Variants in MOB3B observed in about 807,000 individuals in gnomAD.
The protein encoded by MOB3B is MOB kinase activator 3B.
Under a neutral mutation model 18.7 loss-of-function variants are expected in MOB3B, and 7 were observed. That is an observed-to-expected ratio of 0.37 (90% confidence interval 0.21 to 0.70). The LOEUF (loss-of-function observed/expected upper bound fraction) is 0.70. Among genes scored for constraint, MOB3B ranks in the 30% least tolerant of loss-of-function variants. The pLI is 0.52. For missense variants in MOB3B, 253 were observed against 281.3 expected, an observed-to-expected ratio of 0.90 and a Z score of 0.72; for synonymous variants, 111 against 99.9, an observed-to-expected ratio of 1.11 and a Z score of -0.66.
intron 1 of MOB3B, among the ~76,000 whole-genome samples, chr9:27,459,438 C>T (rs945669443): frequency 3.3e-5 from 5 of 152,056 alleles, no homozygotes; most frequent in African/African-American, 7.2e-5. Context: ...CAGGCTTCAC[C>T]CCAAACCTGG....
chr9:27,429,195 C>A (rs1822383370), intron 2 of MOB3B, among the ~76,000 whole-genome samples: 1 of 152,212 alleles, frequency 6.6e-6, no homozygotes, highest in African/African-American at 2.4e-5. Flanking sequence ...ATTACACCCA[C>A]TTCAACTAAG....
intron 2 of MOB3B, among the ~76,000 whole-genome samples, chr9:27,409,727 A>G (rs950704950): frequency 2.0e-5 from 3 of 152,256 alleles, no homozygotes; most frequent in Admixed American, 2.0e-4. Flanking sequence ...AATGTGGTAT[A>G]TATATAAAAT....
At chr9:27,384,148 A>C (rs556117129) in intron 2 of MOB3B, among the ~76,000 whole-genome samples, 1 of 152,262 alleles carries the variant, frequency 6.6e-6, no homozygotes, top group East Asian at 1.9e-4. Flanking sequence ...CAGCCCTGCA[A>C]GGGAGGAATT....
rs1260203285 is a variant in MOB3B, at chr9:27,420,884, C to T, written c.418+34249G>A. On this transcript the variant is annotated intron_variant, in intron 2 of 3. Coordinates refer to ENST00000262244, the MANE Select transcript of MOB3B (RefSeq NM_024761.5). ...ATGGGTGCAGCAAAATCTCACAAAT[C>T]ACCACTAAAGAACTTACTCATGTAA... Among the ~76,000 whole-genome samples, 4 of 106,208 alleles carry T rather than the reference C, an allele frequency of 3.8e-5. No individual in the cohort carries two copies. The Admixed American group carries it at 5.0e-4, about 13-fold the overall frequency. The allele number at this position is 106,208 out of a possible 152,430, so 69.7% of individuals were successfully genotyped here. A position where few individuals can be genotyped will look rare whatever the true frequency, so the allele number is the denominator to read the frequency against.
At chr9:27,402,340 G>A (rs556014119) in intron 2 of MOB3B, among the ~76,000 whole-genome samples, 1 of 152,208 alleles carries the variant, frequency 6.6e-6, no homozygotes, top group South Asian at 2.1e-4. Flanking sequence ...GCCTGGACTC[G>A]GTCTATCTTG....
intron 2 of MOB3B, among the ~76,000 whole-genome samples, chr9:27,407,583 C>G (rs957847434): frequency 1.3e-5 from 2 of 152,164 alleles, no homozygotes; most frequent in Admixed American, 6.5e-5. Context: ...TTCCTCTCTT[C>G]TTGGAGAAGC....
chr9:27,420,547 C>CCATATATATATA (rs1822229042), intron 2 of MOB3B, among the ~76,000 whole-genome samples: 1 of 44,804 alleles, frequency 2.2e-5, no homozygotes, highest in African/African-American at 9.5e-5. Flanking sequence ...TCTGTATATT[C>CCATATATATATA]CATATATATA....
intron 2 of MOB3B, among the ~76,000 whole-genome samples, chr9:27,370,613 G>A (rs951311044): frequency 2.6e-5 from 4 of 152,020 alleles, no homozygotes; most frequent in African/African-American, 9.7e-5. Context: ...ACCAGACACT[G>A]AACCCACCAG....
chr9:27,396,271 T>C (rs1012750350), intron 2 of MOB3B, among the ~76,000 whole-genome samples: 1 of 152,158 alleles, frequency 6.6e-6, no homozygotes, highest in African/African-American at 2.4e-5. Flanking sequence ...ATATTTCTTG[T>C]ATTATTTTTT....
chr9:27,340,285 C>T (rs1027957208), intron 3 of MOB3B, among the ~76,000 whole-genome samples: 4 of 152,174 alleles, frequency 2.6e-5, no homozygotes, highest in African/African-American at 9.7e-5. Flanking sequence ...CACTCGCCAC[C>T]CACGGAGAAT....
chr9:27,524,474 A>C (rs773715346), intron 1 of MOB3B: 2 of 1,614,150 alleles, frequency 1.2e-6, no homozygotes, highest in Non-Finnish European at 1.7e-6. Context: ...AAAATCTGAG[A>C]CATCTGAGTA....
chr9:27,372,948 A>G (rs1821443443), intron 2 of MOB3B, among the ~76,000 whole-genome samples: 1 of 152,246 alleles, frequency 6.6e-6, no homozygotes, highest in Non-Finnish European at 1.5e-5. Flanking sequence ...TGAGGGATAT[A>G]TGGGAACTCT....
chr9:27,505,872 CT>C (rs1820051280), intron 1 of MOB3B, among the ~76,000 whole-genome samples: 1 of 152,162 alleles, frequency 6.6e-6, no homozygotes, highest in Non-Finnish European at 1.5e-5. Context: ...TTTTTTCCCC[CT>C]CTCTCTTCCT....
At chr9:27,366,434 G>A (rs1204537951) in intron 2 of MOB3B, among the ~76,000 whole-genome samples, 1 of 151,906 alleles carries the variant, frequency 6.6e-6, no homozygotes, top group Non-Finnish European at 1.5e-5. Flanking sequence ...CTTCCACTAA[G>A]CCCTCAAACA....
intron 3 of MOB3B, among the ~76,000 whole-genome samples, chr9:27,342,186 G>A (rs1366714131): frequency 3.9e-5 from 6 of 152,214 alleles, no homozygotes; most frequent in Admixed American, 1.3e-4. Context: ...CTGACCTCGC[G>A]TCGCACCATG....
At chr9:27,335,341 A>G (rs10967899) in intron 3 of MOB3B, among the ~76,000 whole-genome samples, 59,708 of 152,024 alleles carry the variant, frequency 0.39, 12,002 homozygotes, top group East Asian at 0.46. Context: ...GACCATCGGA[A>G]AGTAAGTGAC....
intron 2 of MOB3B, among the ~76,000 whole-genome samples, chr9:27,376,410 C>G (rs1282673989): frequency 6.6e-6 from 1 of 152,132 alleles, no homozygotes; most frequent in Admixed American, 6.5e-5. Flanking sequence ...TGAATGAGCA[C>G]TATTTGTCTT....
intron 2 of MOB3B, among the ~76,000 whole-genome samples, chr9:27,411,527 A>G (rs1382471035): frequency 1.3e-5 from 2 of 152,204 alleles, no homozygotes; most frequent in Admixed American, 6.5e-5. Context: ...TAAATTGTCT[A>G]TATTTCCTAA....
intron 2 of MOB3B, among the ~76,000 whole-genome samples, chr9:27,396,056 A>G (rs1483315366): frequency 6.6e-6 from 1 of 151,768 alleles, no homozygotes; most frequent in Non-Finnish European, 1.5e-5. Context: ...CACTTAAGGT[A>G]GGGGTGTGGG....
Sources: allele counts gnomAD v4.1 joint callset (sites outside exome capture counted in the v4.1 genomes callset), GRCh38; gene constraint gnomAD v4.1.1; transcripts MANE v1.5; gene names NCBI Gene and HGNC (gene_info 2026-07-23, HGNC 2026-07-21).